MBD5: variants seen among roughly 807,000 people sequenced by gnomAD.
The protein encoded by MBD5 is methyl-CpG binding domain protein 5.
MBD5 carries 13 observed loss-of-function variants against 117.3 expected under a neutral mutation model. The ratio of observed to expected loss-of-function variants is 0.11; its 90% CI spans 0.07 to 0.18. The LOEUF is 0.18. MBD5 is among the 10% of genes least tolerant of loss of function. The pLI, the probability that MBD5 is intolerant of heterozygous loss-of-function variation, is 1.00. For synonymous variants in MBD5, 727 were observed against 766.4 expected (o/e 0.95, Z 0.85); for missense variants, 1,879 against 2,093.8 (o/e 0.90, Z 2.00).
intron 2 of MBD5, among the ~76,000 whole-genome samples, chr2:148,229,184 CT>C (rs200530432): frequency 0.083 from 12,161 of 146,236 alleles, 701 homozygotes; most frequent in Admixed American, 0.13. Context: ...TCTTTTCTTT[CT>C]TTTTTTTTTG....
At chr2:148,166,021 G>C (rs908239343) in intron 1 of MBD5, among the ~76,000 whole-genome samples, 6 of 151,902 alleles carry the variant, frequency 3.9e-5, no homozygotes, top group Non-Finnish European at 5.9e-5. Context: ...CTTTTGTATT[G>C]TCACCTGTGA....
intron 3 of MBD5, among the ~76,000 whole-genome samples, chr2:148,304,414 TA>T (rs56100767): frequency 3.5e-4 from 52 of 147,182 alleles, no homozygotes; most frequent in Admixed American, 2.7e-3. Flanking sequence ...CTTCTCAATA[TA>T]AAAAAAAAAG....
intron 1 of MBD5, among the ~76,000 whole-genome samples, chr2:148,083,340 T>C (rs964922793): frequency 1.3e-5 from 2 of 152,190 alleles, no homozygotes; most frequent in Admixed American, 6.5e-5. Flanking sequence ...GTGGAAAATA[T>C]TTTTGCGAAA....
At chr2:148,021,801 TG>T (rs544632790) in intron 1 of MBD5, 117 bp downstream of exon 1, 53 of 50,540 alleles carry the variant, frequency 1.0e-3, no homozygotes, top group South Asian at 2.6e-3. Context: ...GGGGTGGTGC[TG>T]GGGGGGGTGA....
chr2:148,137,577 T>G (rs1411964400), intron 1 of MBD5, among the ~76,000 whole-genome samples: 1 of 152,122 alleles, frequency 6.6e-6, no homozygotes. Context: ...CTGGATAACA[T>G]AGAGAGACAC....
intron 1 of MBD5, among the ~76,000 whole-genome samples, chr2:148,110,868 A>T (rs1325337692): frequency 1.3e-5 from 2 of 151,638 alleles, no homozygotes; most frequent in African/African-American, 4.8e-5. Flanking sequence ...TTATAAATTT[A>T]TGCTATTTTT....
chr2:148,478,557 CAAAAA>C (rs1041573158), intron 8 of MBD5, among the ~76,000 whole-genome samples: 12 of 152,226 alleles, frequency 7.9e-5, no homozygotes, highest in African/African-American at 2.9e-4. Context: ...GACTCCATCT[CAAAAA>C]GAAAAGAAAA....
intron 11 of MBD5, among the ~76,000 whole-genome samples, chr2:148,491,491 A>T (rs1681525615): frequency 6.6e-6 from 1 of 152,022 alleles, no homozygotes; most frequent in African/African-American, 2.4e-5. Context: ...TTACAGGTAT[A>T]TGTTATTCTC....
At chr2:148,129,895 TAAAC>T (rs1696994204) in intron 1 of MBD5, among the ~76,000 whole-genome samples, 1 of 152,190 alleles carries the variant, frequency 6.6e-6, no homozygotes, top group Non-Finnish European at 1.5e-5. Context: ...ACACACTACT[TAAAC>T]AAAATTTATT....
intron 4 of MBD5, among the ~76,000 whole-genome samples, chr2:148,360,869 A>G (rs1393296005): frequency 6.6e-6 from 1 of 152,358 alleles, no homozygotes; most frequent in East Asian, 1.9e-4. Flanking sequence ...ATTTCAGTTA[A>G]AATGCACATA....
intron 2 of MBD5, among the ~76,000 whole-genome samples, chr2:148,194,778 T>TAA (rs10545114): frequency 3.2e-4 from 41 of 129,884 alleles, no homozygotes; most frequent in African/African-American, 1.1e-3. Flanking sequence ...AAAAAAAAAT[T>TAA]AAAAAAAAAA....
chr2:148,109,350 G>A (rs1433497385), intron 1 of MBD5, among the ~76,000 whole-genome samples: 1 of 152,122 alleles, frequency 6.6e-6, no homozygotes, highest in Non-Finnish European at 1.5e-5. Flanking sequence ...AATAGATAAT[G>A]TGCAAAGCTT....
chr2:148,231,012 G>A (rs147578254), intron 2 of MBD5, among the ~76,000 whole-genome samples: 148 of 152,236 alleles, frequency 9.7e-4, no homozygotes, highest in African/African-American at 1.7e-3. Flanking sequence ...CCTGTGGTTA[G>A]GAGGAGGTGA....
At chr2:148,323,813 G>C (rs996490104) in intron 3 of MBD5, among the ~76,000 whole-genome samples, 1 of 152,148 alleles carries the variant, frequency 6.6e-6, no homozygotes, top group African/African-American at 2.4e-5. Flanking sequence ...TCTGATGGTA[G>C]TTTATTTTGC....
intron 4 of MBD5, among the ~76,000 whole-genome samples, chr2:148,390,509 A>ATGTATATATGTGTGTGTG (rs1704537475): frequency 6.7e-6 from 1 of 148,624 alleles, no homozygotes; most frequent in African/African-American, 2.5e-5. Context: ...ATGTGTGTGT[A>ATGTATATATGTGTGTGTG]TGTATATATG....
chr2:148,166,964 GT>G (rs994845178), intron 1 of MBD5, among the ~76,000 whole-genome samples: 2 of 151,670 alleles, frequency 1.3e-5, no homozygotes, highest in East Asian at 1.9e-4. Flanking sequence ...TTTTGTTTCT[GT>G]TTTTTTGATA....
intron 4 of MBD5, among the ~76,000 whole-genome samples, chr2:148,404,894 T>G (rs1055610663): frequency 5.9e-5 from 9 of 152,186 alleles, no homozygotes; most frequent in African/African-American, 2.2e-4. Flanking sequence ...AGTTTGAAAT[T>G]TGAAATATAA....
intron 3 of MBD5, among the ~76,000 whole-genome samples, chr2:148,267,311 A>C (rs1490060577): frequency 6.6e-6 from 1 of 152,198 alleles, no homozygotes; most frequent in Non-Finnish European, 1.5e-5. Flanking sequence ...ATGAATTGTT[A>C]ATAGAGTTGT....
chr2:148,025,549 A>C lies in MBD5; in HGVS notation c.-925+3865A>C, dbSNP rs552312216. 1,088 of 129,762 alleles carry C rather than the reference A, an allele frequency of 8.4e-3. 14 individuals carry two copies. The highest frequency in any genetic ancestry group is 0.027 in the African/African-American group (1,021 of 37,254). The allele number at this position is 129,762 out of a possible 1,614,324, so 8.0% of individuals were successfully genotyped here. ...TTAAGTTATCTCATTAAATTTTTCC[A>C]AAAAAAAAAAAACACCCCAAACCCT... On this transcript the variant is annotated intron_variant, in intron 1 of 13. Transcript: ENST00000642680.
Sources: gnomAD v4.1 joint callset for allele counts (sites outside exome capture counted in the v4.1 genomes callset) on GRCh38, gnomAD v4.1.1 for gene constraint, MANE v1.5 for transcripts, NCBI Gene and HGNC (gene_info 2026-07-23, HGNC 2026-07-21) for gene names.